Variants in ADARB2 observed in about 807,000 individuals in gnomAD.
ADARB2 encodes inactive double-stranded RNA-specific editase B2.
A neutral mutation model predicts 62.2 loss-of-function variants in ADARB2; 25 were observed. The ratio of observed to expected loss-of-function variants is 0.40; its 90% confidence interval spans 0.29 to 0.56. ADARB2 has a LOEUF of 0.56. Ranked by LOEUF, ADARB2 falls within the 20% of genes least tolerant of loss-of-function variation. The pLI is 0.43. For missense variants in ADARB2, 1,071 were observed against 1,077.4 expected, an observed-to-expected ratio of 0.99 and a Z score of 0.08; for synonymous variants, 572 against 500.8, an observed-to-expected ratio of 1.14 and a Z score of -1.90.
chr10:1,542,562 CGG>C (rs1832445994), intron 1 of ADARB2, among the ~76,000 whole-genome samples: 11 of 26,624 alleles, frequency 4.1e-4, no homozygotes, highest in African/African-American at 7.1e-4. Context: ...AGACGCAGTT[CGG>C]ACCCTGGATC....
At chr10:1,216,681 G>C (rs1353121643) in intron 7 of ADARB2, 1 of 503,274 alleles carries the variant, frequency 2.0e-6, no homozygotes, top group East Asian at 3.9e-5. Context: ...ACAGCCTGGG[G>C]TTGCCGGGCC....
At chr10:1,724,367 T>A (rs1339248655) in intron 1 of ADARB2, among the ~76,000 whole-genome samples, 1 of 152,222 alleles carries the variant, frequency 6.6e-6, no homozygotes. Flanking sequence ...AAGGACACTC[T>A]CACAGGATCA....
chr10:1,272,196 A>G (rs1831269225), intron 3 of ADARB2, among the ~76,000 whole-genome samples: 1 of 152,202 alleles, frequency 6.6e-6, no homozygotes, highest in Non-Finnish European at 1.5e-5. Flanking sequence ...GGCAGGAAAC[A>G]GTCCCTTTTC....
intron 1 of ADARB2, among the ~76,000 whole-genome samples, chr10:1,485,414 T>G (rs1385429402): frequency 6.6e-6 from 1 of 152,046 alleles, no homozygotes; most frequent in Non-Finnish European, 1.5e-5. Flanking sequence ...TGGATATAGG[T>G]GCAGATGCAG....
intron 1 of ADARB2, among the ~76,000 whole-genome samples, chr10:1,557,487 C>A (rs1039787292): frequency 6.6e-6 from 1 of 152,204 alleles, no homozygotes; most frequent in Non-Finnish European, 1.5e-5. Flanking sequence ...AGCACATTTC[C>A]TGGTTAATTT....
At chr10:1,362,268 C>A (rs991654854) in intron 3 of ADARB2, among the ~76,000 whole-genome samples, 1 of 152,264 alleles carries the variant, frequency 6.6e-6, no homozygotes, top group African/African-American at 2.4e-5. Flanking sequence ...GTAACGGGCT[C>A]TTGGGCCCCT....
chr10:1,670,744 G>A (rs1015455818), intron 1 of ADARB2, among the ~76,000 whole-genome samples: 1 of 152,206 alleles, frequency 6.6e-6, no homozygotes, highest in African/African-American at 2.4e-5. Flanking sequence ...GCACACAGTG[G>A]GGCCAACACT....
chr10:1,728,376 C>A (rs1285281263), intron 1 of ADARB2, among the ~76,000 whole-genome samples: 1 of 152,210 alleles, frequency 6.6e-6, no homozygotes, highest in African/African-American at 2.4e-5. Flanking sequence ...GTGAAGATTT[C>A]TTTCTCTACA....
chr10:1,246,108 A>C (rs1830984172), intron 4 of ADARB2, among the ~76,000 whole-genome samples: 1 of 151,766 alleles, frequency 6.6e-6, no homozygotes, highest in African/African-American at 2.4e-5. Context: ...GCATTTTTTC[A>C]TGTGTCTTTT....
intron 8 of ADARB2, among the ~76,000 whole-genome samples, chr10:1,187,422 G>C (rs1373821543): frequency 6.6e-6 from 1 of 151,992 alleles, no homozygotes; most frequent in African/African-American, 2.4e-5. Context: ...TCCTCCTCCT[G>C]CTCCCATCCT....
At chr10:1,366,122 A>G (rs556356477) in intron 2 of ADARB2, among the ~76,000 whole-genome samples, 1 of 152,336 alleles carries the variant, frequency 6.6e-6, no homozygotes, top group South Asian at 2.1e-4. Context: ...GATCCAGTCC[A>G]GTCTCCCCTG....
intron 1 of ADARB2, among the ~76,000 whole-genome samples, chr10:1,658,164 C>A (rs1262936697): frequency 7.0e-6 from 1 of 142,880 alleles, no homozygotes; most frequent in Non-Finnish European, 1.6e-5. Context: ...TTCTCCCTGT[C>A]TCTCTCTGTG....
intron 2 of ADARB2, among the ~76,000 whole-genome samples, chr10:1,365,303 G>T (rs1377721094): frequency 2.0e-5 from 3 of 152,074 alleles, no homozygotes; most frequent in African/African-American, 7.3e-5. Context: ...CACTTAAGAC[G>T]GCAAACTTAG....
At chr10:1,508,516 A>T (rs1166664223) in intron 1 of ADARB2, among the ~76,000 whole-genome samples, 1 of 152,222 alleles carries the variant, frequency 6.6e-6, no homozygotes, top group Non-Finnish European at 1.5e-5. Flanking sequence ...ACAGTGGCTC[A>T]CGCCTGTAAT....
chr10:1,301,505 C>T (rs1458931119), intron 3 of ADARB2, among the ~76,000 whole-genome samples: 5 of 152,130 alleles, frequency 3.3e-5, no homozygotes, highest in Admixed American at 6.5e-5. Context: ...AATATAAAAC[C>T]GTTAAGAAAA....
chr10:1,405,867 A>G (rs887086497), intron 1 of ADARB2, among the ~76,000 whole-genome samples: 2 of 151,822 alleles, frequency 1.3e-5, no homozygotes, highest in Non-Finnish European at 2.9e-5. Context: ...ACACCCATTT[A>G]TGAAACCCTT....
chr10:1,577,789 G>A (rs7084364), intron 1 of ADARB2, among the ~76,000 whole-genome samples: 4,693 of 152,312 alleles, frequency 0.031, 230 homozygotes, highest in African/African-American at 0.11. Context: ...GACATCAGAC[G>A]GTGACTGTAT....
chr10:1,716,235 C>T (rs950973257), intron 1 of ADARB2, among the ~76,000 whole-genome samples: 1 of 152,230 alleles, frequency 6.6e-6, no homozygotes. Context: ...CACTGGGCAG[C>T]CTCTGTAACT....
chr10:1,377,244 C>T (rs1298174826), intron 2 of ADARB2, among the ~76,000 whole-genome samples: 1 of 123,274 alleles, frequency 8.1e-6, no homozygotes, highest in Non-Finnish European at 1.6e-5. Flanking sequence ...TGTGTGCGCC[C>T]CTGGGGTGTG....
Sources: gnomAD v4.1 joint callset for allele counts (sites outside exome capture counted in the v4.1 genomes callset) on GRCh38, gnomAD v4.1.1 for gene constraint, MANE v1.5 for transcripts, NCBI Gene and HGNC (gene_info 2026-07-23, HGNC 2026-07-21) for gene names.